The following ALMS1 variants were observed in gnomAD, a reference collection of about 807,000 sequenced individuals.
ALMS1 encodes the protein ALMS1 centrosome and basal body associated protein, also known as centrosome-associated protein ALMS1.
Under a neutral mutation model 352.2 loss-of-function variants are expected in ALMS1, and 271 were observed. The observed-to-expected ratio is 0.77, with a 90% CI of 0.70 to 0.85. The LOEUF (loss-of-function observed/expected upper bound fraction) is 0.85, where lower values mean the gene tolerates loss of function less well. Among genes scored for constraint, ALMS1 ranks in the 40% least tolerant of loss-of-function variants. ALMS1 has a pLI of 0.00. For missense variants in ALMS1, 5,445 were observed against 4,870.7 expected, an observed-to-expected ratio of 1.12 and a Z score of -3.51; for synonymous variants, 1,865 against 1,761.2, an observed-to-expected ratio of 1.06 and a Z score of -1.48.
intron 1 of ALMS1, among the ~76,000 whole-genome samples, chr2:73,394,100 C>T (rs1249888100): frequency 6.6e-6 from 1 of 152,076 alleles, no homozygotes; most frequent in African/African-American, 2.4e-5. Flanking sequence ...GGATTACAGG[C>T]GTGAGCCACC....
intron 5 of ALMS1, 116 bp downstream of exon 5, chr2:73,425,018 A>T: frequency 2.4e-6 from 2 of 825,742 alleles, no homozygotes; most frequent in Non-Finnish European, 3.7e-6. Flanking sequence ...ACAAAGAGGG[A>T]ACTTTGCACC....
In ALMS1 at chr2:73,491,469, T is replaced by C. The variant is rs1418366803; in HGVS notation, c.9510T>C (p.Asn3170=). 6.2e-7 allele frequency: 1 copy of C among 1,614,032 alleles called. No individual in the cohort carries two copies. The highest frequency in any genetic ancestry group is 1.7e-5 in the Admixed American group (1 of 60,018). ...TTTCAGATTTCGAAGGACATTCCAA[T>C]CCAGAGGGGACCCCAGTATTTGCAG... ...VNISDFEGHS[N]PEGTPVFADR... Residue 3170 remains asparagine (N), a synonymous_variant, in exon 10 of 23, where the codon AAT becomes AAC. Transcript: ENST00000613296.
chr2:73,561,690 A>G (rs776174894), intron 15 of ALMS1, among the ~76,000 whole-genome samples: 1 of 152,144 alleles, frequency 6.6e-6, no homozygotes. Flanking sequence ...TGAACTGTAC[A>G]CTTAAAAATG....
At chr2:73,496,134 C>T (rs756730448) in intron 10 of ALMS1, among the ~76,000 whole-genome samples, 2 of 152,140 alleles carry the variant, frequency 1.3e-5, no homozygotes, top group African/African-American at 2.4e-5. Context: ...TGAAAATTTC[C>T]GTACTTATAA....
Position 73,448,745 on chromosome 2 carries a change from C to T in ALMS1, c.2218C>T (p.Leu740Phe), listed in dbSNP as rs752375658. ...FADSHQTEETLTKVSATPGPA... is the reference protein window; with the variant it reads ...FADSHQTEETFTKVSATPGPA... Reference sequence around the variant, plus strand: ...AGACAGTCATCAAACTGAAGAGACTCTTACTAAAGTTTCAGCCACTCCTGG... The same window carrying T: ...AGACAGTCATCAAACTGAAGAGACTTTTACTAAAGTTTCAGCCACTCCTGG... The change falls in exon 8 of 23, where the codon CTT (leucine) becomes TTT (phenylalanine). Residue 740 changes from leucine (L) to phenylalanine (F), a missense_variant. By Grantham distance (22) the Leu-to-Phe change is conservative. Coordinates refer to ENST00000613296, the MANE Select transcript of ALMS1 (RefSeq NM_001378454.1). 6 of 1,605,380 alleles carry T rather than the reference C, an allele frequency of 3.7e-6. No individual in the cohort carries two copies. The highest frequency in any genetic ancestry group is 3.3e-5 in the South Asian group (3 of 90,510).
intron 7 of ALMS1, among the ~76,000 whole-genome samples, chr2:73,438,616 T>G (rs1671652696): frequency 1.3e-5 from 2 of 152,164 alleles, no homozygotes; most frequent in South Asian, 4.1e-4. Flanking sequence ...AAATAATTTG[T>G]GATTAAAATT....
intron 8 of ALMS1, among the ~76,000 whole-genome samples, chr2:73,454,940 T>A (rs1353234439): frequency 6.6e-6 from 1 of 152,204 alleles, no homozygotes; most frequent in Non-Finnish European, 1.5e-5. Context: ...TTAAAGTGGC[T>A]TTTTTGTAGA....
intron 16 of ALMS1, among the ~76,000 whole-genome samples, chr2:73,593,241 T>G (rs1196276114): frequency 6.6e-6 from 1 of 152,034 alleles, no homozygotes; most frequent in Admixed American, 6.6e-5. Context: ...CAGCACAAAT[T>G]GTGGGACATG....
intron 16 of ALMS1, among the ~76,000 whole-genome samples, chr2:73,591,809 G>A (rs13391552): frequency 0.31 from 46,815 of 152,006 alleles, 9,048 homozygotes; most frequent in African/African-American, 0.55. Flanking sequence ...CCAGGCTGTA[G>A]TTTTTCAAAG....
chr2:73,468,030 A>AC (rs1672392822), intron 9 of ALMS1, among the ~76,000 whole-genome samples: 1 of 152,062 alleles, frequency 6.6e-6, no homozygotes, highest in Non-Finnish European at 1.5e-5. Context: ...GTCATCACAT[A>AC]TAAAAAATAA....
At chr2:73,534,673 T>G (rs2103991651) in intron 11 of ALMS1, 151 bp from the exon 12 acceptor site, 3 of 738,688 alleles carry the variant, frequency 4.1e-6, no homozygotes, top group Non-Finnish European at 4.5e-6. Flanking sequence ...AGAATTCTCA[T>G]TCTTCTTGAA....
intron 9 of ALMS1, among the ~76,000 whole-genome samples, chr2:73,467,185 G>T (rs1672373393): frequency 1.3e-5 from 2 of 152,142 alleles, no homozygotes; most frequent in South Asian, 4.1e-4. Context: ...AAGGCAGCAT[G>T]AAGAGTGAAA....
intron 2 of ALMS1, among the ~76,000 whole-genome samples, chr2:73,417,383 T>A (rs989521493): frequency 6.6e-6 from 1 of 152,174 alleles, no homozygotes; most frequent in Non-Finnish European, 1.5e-5. Flanking sequence ...TTTACATTTT[T>A]AAAGAAAATT....
chr2:73,527,926 C>T (rs965502590), intron 11 of ALMS1, among the ~76,000 whole-genome samples: 1 of 151,248 alleles, frequency 6.6e-6, no homozygotes, highest in Non-Finnish European at 1.5e-5. Flanking sequence ...TGCTGTATCC[C>T]GTAGGTTTTG....
intron 13 of ALMS1, among the ~76,000 whole-genome samples, chr2:73,551,423 A>ACCTTTTTTTTTTTT (rs1558691064): frequency 8.9e-6 from 1 of 112,436 alleles, no homozygotes; most frequent in African/African-American, 3.5e-5. Flanking sequence ...TTGAGTTTCA[A>ACCTTTTTTTTTTTT]TCTTTTTTTT....
rs577759803 is a variant in ALMS1, at chr2:73,600,862, C to A, written c.11853C>A (p.Asn3951Lys). ...GYPEDRKLKK[N>K]KKNSHEGVSW... ...CTGAGGACAGAAAGTTAAAAAAGAA[C>A]AAGAAGAATTCCCATGAAGGTCAGT... Residue 3951 changes from asparagine (N) to lysine (K), a missense_variant, in exon 18 of 23, where the codon AAC (asparagine) becomes AAA (lysine). Asn to Lys is a moderately conservative substitution (Grantham distance 94). Coordinates refer to ENST00000613296, the MANE Select transcript of ALMS1 (RefSeq NM_001378454.1). 3 of 1,613,870 alleles carry A rather than the reference C, an allele frequency of 1.9e-6. No homozygotes were observed. Among genetic ancestry groups the A allele is most frequent in the East Asian group, 4.5e-5 (2 of 44,860 alleles).
At chr2:73,554,365 G>A (rs1477902897) in intron 13 of ALMS1, among the ~76,000 whole-genome samples, 2 of 151,960 alleles carry the variant, frequency 1.3e-5, no homozygotes, top group Non-Finnish European at 2.9e-5. Flanking sequence ...ACAGGAATGT[G>A]TAGGTAAATT....
intron 21 of ALMS1, 149 bp downstream of exon 21, chr2:73,603,453 T>TC: frequency 1.5e-6 from 1 of 665,634 alleles, no homozygotes; most frequent in Non-Finnish European, 2.5e-6. Flanking sequence ...CTTATGGCAC[T>TC]GAAAAAAAAA....
At chr2:73,553,158 C>T (rs1276159989) in intron 13 of ALMS1, among the ~76,000 whole-genome samples, 1 of 152,134 alleles carries the variant, frequency 6.6e-6, no homozygotes, top group African/African-American at 2.4e-5. Context: ...AGAAAACATA[C>T]ATTCCATATA....
Sources: gnomAD v4.1 joint callset for allele counts (sites outside exome capture counted in the v4.1 genomes callset) on GRCh38, gnomAD v4.1.1 for gene constraint, MANE v1.5 for transcripts, NCBI Gene and HGNC (gene_info 2026-07-23, HGNC 2026-07-21) for gene names.